TMTC3: variants seen among roughly 807,000 people sequenced by gnomAD.
The protein encoded by TMTC3 is protein O-mannosyl-transferase TMTC3.
Under a neutral mutation model 92.2 loss-of-function variants are expected in TMTC3, and 52 were observed. The ratio of observed to expected loss-of-function variants is 0.56; its 90% CI spans 0.45 to 0.71. The LOEUF is 0.71. TMTC3 is among the 30% of genes least tolerant of loss of function. The pLI is 0.00. For missense variants in TMTC3, 896 were observed against 1,057.1 expected (o/e 0.85, Z 2.11); for synonymous variants, 339 against 363.3 (o/e 0.93, Z 0.76).
At chr12:88,187,587 C>A (rs183459064) in intron 10 of TMTC3, among the ~76,000 whole-genome samples, 1 of 152,122 alleles carries the variant, frequency 6.6e-6, no homozygotes, top group Non-Finnish European at 1.5e-5. Flanking sequence ...AAATCTACTT[C>A]CTTACTCCTA....
chr12:88,190,410 T>A, intron 11 of TMTC3, 43 bp from the exon 12 acceptor site: 1 of 1,576,026 alleles, frequency 6.3e-7, no homozygotes, highest in East Asian at 2.3e-5. Flanking sequence ...TGATTTTTGA[T>A]ACTGAAATAT....
intron 4 of TMTC3, among the ~76,000 whole-genome samples, chr12:88,157,742 TTAA>T (rs2041027889): frequency 6.6e-6 from 1 of 152,168 alleles, no homozygotes; most frequent in Non-Finnish European, 1.5e-5. Context: ...GGGAATAGAT[TTAA>T]GTGTCCTTAA....
intron 4 of TMTC3, among the ~76,000 whole-genome samples, chr12:88,158,579 G>T (rs989174126): frequency 3.3e-5 from 5 of 150,702 alleles, no homozygotes; most frequent in Non-Finnish European, 5.9e-5. Context: ...CTTTGTTTTC[G>T]GTTATTTTTT....
chr12:88,158,605 G>T (rs1471792653), intron 4 of TMTC3, among the ~76,000 whole-genome samples: 1 of 151,224 alleles, frequency 6.6e-6, no homozygotes, highest in Non-Finnish European at 1.5e-5. Flanking sequence ...AGTAATTTTA[G>T]TCTACAGAGT....
At position 88,166,444 on chromosome 12, in the gene TMTC3, G is replaced by A. The variant is rs2041144621; in HGVS notation, c.912G>A (p.Trp304Ter). The A allele has an allele frequency of 6.2e-7, 1 of 1,613,584 alleles. No homozygotes were observed. Among genetic ancestry groups the A allele is most frequent in the Non-Finnish European group, 8.5e-7 (1 of 1,179,916 alleles). ...ATCCTTCAGAGCTCTGCTGTGATTG[G>A]ACCATGGGAACAATACCACTTATAG... ...LLNPSELCCD[W>*]TMGTIPLIES... Residue 304 changes from tryptophan (W) to a stop codon, truncating the protein, a stop_gained, in exon 7 of 14, where the codon TGG becomes TGA. Coordinates refer to ENST00000266712, the MANE Select transcript of TMTC3 (RefSeq NM_181783.4). LOFTEE classifies it high-confidence loss of function.
chr12:88,142,703 C>G (rs373655691), intron 1 of TMTC3, among the ~76,000 whole-genome samples: 1 of 152,218 alleles, frequency 6.6e-6, no homozygotes, highest in South Asian at 2.1e-4. Context: ...GTATCAGAAT[C>G]TGTCTTGATA....
Position 88,191,899 on chromosome 12 carries a change from A to G in TMTC3, c.1707-705A>G, listed in dbSNP as rs967912308. On this transcript the variant is annotated intron_variant, in intron 12 of 13. Coordinates refer to ENST00000266712, the MANE Select transcript of TMTC3 (RefSeq NM_181783.4). ...AAATTTCTGTATTTTTAGTAGAGAC[A>G]GAGTTTTGCCATGTTGGTCAGCTGG... Among the ~76,000 whole-genome samples the G allele has an allele frequency of 5.3e-5, 8 of 151,962 alleles. No homozygotes were observed. In the East Asian group the frequency reaches 1.5e-3, roughly 29 times the overall value.
chr12:88,173,927 T>C (rs980059366), intron 8 of TMTC3, among the ~76,000 whole-genome samples: 1 of 152,090 alleles, frequency 6.6e-6, no homozygotes, highest in African/African-American at 2.4e-5. Flanking sequence ...TTCTTTCACA[T>C]CCATACTTGT....
At chr12:88,184,594 TAGC>T (rs2041355371) in intron 10 of TMTC3, among the ~76,000 whole-genome samples, 1 of 152,232 alleles carries the variant, frequency 6.6e-6, no homozygotes, top group Non-Finnish European at 1.5e-5. Flanking sequence ...AGAGAATGGA[TAGC>T]AAATGGCTCT....
At chr12:88,163,624 G>T (rs1011449377) in intron 6 of TMTC3, among the ~76,000 whole-genome samples, 2 of 152,060 alleles carry the variant, frequency 1.3e-5, no homozygotes, top group Non-Finnish European at 2.9e-5. Context: ...AGCAGTCTTT[G>T]GCATTCCTTG....
chr12:88,190,484 T>C lies in TMTC3; in HGVS notation c.1568T>C (p.Ile523Thr). 2 of 1,613,746 alleles carry C rather than the reference T, an allele frequency of 1.2e-6. No homozygotes were observed. The highest frequency in any genetic ancestry group is 2.2e-5 in the South Asian group (2 of 91,042). Residue 523 changes from isoleucine (I) to threonine (T), a missense_variant, in exon 12 of 14, where the codon ATT becomes ACT. Coordinates refer to ENST00000266712, the MANE Select transcript of TMTC3 (RefSeq NM_181783.4). ...IIPGKKYAAR[I>T]APNHLNVYIN... ...CCTGGTAAAAAATATGCAGCCAGAA[T>C]TGCCCCTAACCACCTAAATGTTTAT...
Position 88,175,292 on chromosome 12 carries a change from C to T in TMTC3, c.1320+565C>T, listed in dbSNP as rs141088881. On this transcript the variant is annotated intron_variant, in intron 9 of 13. Transcript: ENST00000266712. ...TTTCTATAGAATGGACATTATAAAT[C>T]GGAAAAAGGTCTTTTAAAAAACAAA... Among the ~76,000 whole-genome samples, 173 of 152,022 alleles carry T rather than the reference C, an allele frequency of 1.1e-3. 4 individuals are homozygous for T. The East Asian group carries it at 0.023, about 20-fold the overall frequency.
At chr12:88,181,741 GA>G (rs34327487) in intron 10 of TMTC3, among the ~76,000 whole-genome samples, 4,829 of 152,274 alleles carry the variant, frequency 0.032, 128 homozygotes, top group Non-Finnish European at 0.05. Context: ...AAGCTGAGCA[GA>G]AAAGGTCTCC....
intron 10 of TMTC3, among the ~76,000 whole-genome samples, chr12:88,180,641 C>T (rs1435249741): frequency 2.0e-5 from 3 of 152,008 alleles, no homozygotes; most frequent in Admixed American, 6.5e-5. Flanking sequence ...TCAAGAAAAC[C>T]GCATCTTCTG....
chr12:88,193,393 T>C (rs2041465654), intron 13 of TMTC3, among the ~76,000 whole-genome samples: 1 of 152,108 alleles, frequency 6.6e-6, no homozygotes, highest in African/African-American at 2.4e-5. Context: ...ATATTTTATA[T>C]AGGAATTTCA....
At chr12:88,163,263 G>T (rs1481007111) in intron 6 of TMTC3, among the ~76,000 whole-genome samples, 2 of 152,158 alleles carry the variant, frequency 1.3e-5, no homozygotes, top group East Asian at 1.9e-4. Context: ...TAGCATTTAG[G>T]ATAAGACTAA....
At position 88,168,584 on chromosome 12, in the gene TMTC3, A is replaced by T. The variant is rs180894076; in HGVS notation, c.1050+2002A>T. Among the ~76,000 whole-genome samples the T allele has an allele frequency of 4.6e-4, 70 of 152,288 alleles. No individual in the cohort carries two copies. In the East Asian group the frequency reaches 7.9e-3, roughly 17 times the overall value. On this transcript the variant is annotated intron_variant, in intron 7 of 13. Coordinates refer to ENST00000266712, the MANE Select transcript of TMTC3 (RefSeq NM_181783.4). ...ATTGGCGTACTCAGCTACTCAGCTGACTTTTTTGAATGCGGATATCCCTGA... is the reference window on the plus strand; with the variant it reads ...ATTGGCGTACTCAGCTACTCAGCTGTCTTTTTTGAATGCGGATATCCCTGA...
intron 6 of TMTC3, among the ~76,000 whole-genome samples, chr12:88,163,070 C>T (rs1437643995): frequency 6.6e-6 from 1 of 152,082 alleles, no homozygotes. Context: ...CATGCGCCAC[C>T]ACGCCCAGCT....
At chr12:88,176,831 G>T (rs1187318828) in intron 10 of TMTC3, among the ~76,000 whole-genome samples, 2 of 151,988 alleles carry the variant, frequency 1.3e-5, no homozygotes, top group East Asian at 3.9e-4. Context: ...TAGAGTTGTT[G>T]TGTGGCATGG....
Sources: gnomAD v4.1 joint callset for allele counts (sites outside exome capture counted in the v4.1 genomes callset) on GRCh38, gnomAD v4.1.1 for gene constraint, MANE v1.5 for transcripts, NCBI Gene and HGNC (gene_info 2026-07-23, HGNC 2026-07-21) for gene names.